Variants in HIVEP1 observed in about 807,000 individuals in gnomAD.
HIVEP1 encodes zinc finger protein 40.
HIVEP1 carries 36 observed loss-of-function variants against 180.0 expected under a neutral mutation model. The observed-to-expected ratio is 0.20, with a 90% CI of 0.15 to 0.26. The LOEUF (loss-of-function observed/expected upper bound fraction) is 0.26. Among genes scored for constraint, HIVEP1 ranks in the 10% least tolerant of loss-of-function variants. The pLI, the probability that HIVEP1 is intolerant of heterozygous loss-of-function variation, is 1.00. For synonymous variants in HIVEP1, 1,239 were observed against 1,239.0 expected (o/e 1.00, Z 0.00); for missense variants, 3,143 against 3,268.7 (o/e 0.96, Z 0.94).
chr6:12,055,311 A>G (rs930314586), intron 2 of HIVEP1, among the ~76,000 whole-genome samples: 1 of 152,060 alleles, frequency 6.6e-6, no homozygotes, highest in Non-Finnish European at 1.5e-5. Flanking sequence ...CGTCTCTACT[A>G]AAAATGCAAA....
At chr6:12,135,982 C>A in intron 7 of HIVEP1, 90 bp downstream of exon 7, 1 of 711,890 alleles carries the variant, frequency 1.4e-6, no homozygotes. Flanking sequence ...CTGATTCTGC[C>A]TAATTCTGTT....
At chr6:12,082,666 C>T (rs1268170872) in intron 2 of HIVEP1, among the ~76,000 whole-genome samples, 1 of 152,138 alleles carries the variant, frequency 6.6e-6, no homozygotes, top group Non-Finnish European at 1.5e-5. Flanking sequence ...AATGAACTTG[C>T]CTCTTTGCCT....
intron 7 of HIVEP1, among the ~76,000 whole-genome samples, chr6:12,159,165 G>T (rs1447996560): frequency 6.6e-6 from 1 of 152,036 alleles, no homozygotes; most frequent in African/African-American, 2.4e-5. Context: ...TTTGGAAAAA[G>T]TTAATAAGTT....
intron 2 of HIVEP1, among the ~76,000 whole-genome samples, chr6:12,084,392 A>G (rs562492650): frequency 1.3e-5 from 2 of 152,134 alleles, no homozygotes; most frequent in African/African-American, 4.8e-5. Context: ...GGTATTTGAG[A>G]TGTGAAACTC....
intron 3 of HIVEP1, among the ~76,000 whole-genome samples, chr6:12,109,545 T>C (rs1288284981): frequency 6.6e-6 from 1 of 152,256 alleles, no homozygotes; most frequent in African/African-American, 2.4e-5. Context: ...AACCACTTTC[T>C]TTGCTCGTCC....
chr6:12,120,209 G>A lies in HIVEP1; in HGVS notation c.414G>A (p.Gln138=). The A allele has an allele frequency of 1.9e-6, 3 of 1,614,180 alleles. No homozygotes were observed. The highest frequency in any genetic ancestry group is 2.5e-6 in the Non-Finnish European group (3 of 1,180,018). ...SVSPKKPLFL[Q]QPSELRRWRS... is the part of the protein sequence containing the mutation. ...CCCCAAAGAAGCCCTTGTTTCTGCA[G>A]CAACCATCTGAACTGCGTAGATGGA... Residue 138 remains glutamine, a synonymous_variant, in exon 4 of 9, where the codon CAG becomes CAA. Coordinates refer to ENST00000379388, the MANE Select transcript of HIVEP1 (RefSeq NM_002114.4).
chr6:12,171,238 A>C, the HIVEP1 span, among the ~76,000 whole-genome samples: 1 of 152,124 alleles, frequency 6.6e-6, no homozygotes. Context: ...TGTTTTGTAG[A>C]GATGGGATTT....
At chr6:12,163,259 G>C in intron 8 of HIVEP1, 24 bp from the exon 9 acceptor site, 2 of 1,565,862 alleles carry the variant, frequency 1.3e-6, no homozygotes, top group Non-Finnish European at 1.7e-6. Flanking sequence ...TGTCATAAAA[G>C]GATTGCTCTC....
downstream of HIVEP1, among the ~76,000 whole-genome samples, chr6:12,168,353 G>A (rs1224284758): frequency 0.024 from 1,658 of 67,764 alleles, 23 homozygotes; most frequent in Middle Eastern, 0.079. Flanking sequence ...ACATGTATAT[G>A]TATATATTAT....
chr6:12,186,097 G>T, the HIVEP1 span, among the ~76,000 whole-genome samples: 1 of 151,906 alleles, frequency 6.6e-6, no homozygotes, highest in African/African-American at 2.4e-5. Context: ...TAATGAAATT[G>T]TAAACTCAGT....
intron 7 of HIVEP1, among the ~76,000 whole-genome samples, chr6:12,152,658 C>T (rs1247912419): frequency 2.6e-5 from 4 of 152,156 alleles, no homozygotes; most frequent in South Asian, 4.1e-4. Context: ...ACAGTGGTCT[C>T]CTCTAGCAGA....
At chr6:12,191,848 G>A in the HIVEP1 span, among the ~76,000 whole-genome samples, 1 of 152,002 alleles carries the variant, frequency 6.6e-6, no homozygotes, top group Admixed American at 6.6e-5. Flanking sequence ...GATCATTTTG[G>A]CCTGTGCTTT....
At chr6:12,204,040 G>A in the HIVEP1 span, among the ~76,000 whole-genome samples, 50 of 151,828 alleles carry the variant, frequency 3.3e-4, no homozygotes, top group Non-Finnish European at 1.0e-4. Flanking sequence ...TTGCACCACT[G>A]CACTCCAGCC....
chr6:12,133,190 CT>C (rs1758520834), intron 6 of HIVEP1, among the ~76,000 whole-genome samples: 1 of 152,164 alleles, frequency 6.6e-6, no homozygotes, highest in South Asian at 2.1e-4. Flanking sequence ...TATTTGCCCT[CT>C]GAGTTTATTT....
intron 7 of HIVEP1, among the ~76,000 whole-genome samples, chr6:12,150,426 G>A (rs1235747376): frequency 6.6e-6 from 1 of 152,184 alleles, no homozygotes; most frequent in Non-Finnish European, 1.5e-5. Flanking sequence ...CATTATTCTT[G>A]TTGGAGTTTA....
chr6:12,133,632 A>G (rs540159114), intron 6 of HIVEP1, among the ~76,000 whole-genome samples: 1 of 152,360 alleles, frequency 6.6e-6, no homozygotes, highest in Admixed American at 6.5e-5. Flanking sequence ...ACAATTATAC[A>G]TTAGTTTCTT....
intron 2 of HIVEP1, among the ~76,000 whole-genome samples, chr6:12,054,761 C>G (rs1299316258): frequency 6.6e-6 from 1 of 152,134 alleles, no homozygotes; most frequent in Non-Finnish European, 1.5e-5. Context: ...GATTTCATGA[C>G]ATAGCATATT....
chr6:12,168,272 A>G (rs1760800533), downstream of HIVEP1, among the ~76,000 whole-genome samples: 1 of 130,678 alleles, frequency 7.7e-6, no homozygotes, highest in African/African-American at 3.1e-5. Context: ...ATATATACAT[A>G]TATACATATA....
Position 12,163,242 on chromosome 6 carries a change from A to G in HIVEP1, c.6979-41A>G, listed in dbSNP as rs763503146. ...CTAGCTTTATATCTCAGTGATTACA[A>G]AAGACCTGTCATAAAAGGATTGCTC... On this transcript the variant is annotated intron_variant, in intron 8 of 8. Coordinates refer to ENST00000379388, the MANE Select transcript of HIVEP1 (RefSeq NM_002114.4). 8.9e-6 allele frequency: 13 copies of G among 1,461,090 alleles called. 1 individual carries two copies. In the South Asian group the frequency reaches 1.2e-4, roughly 14 times the overall value. The allele number at this position is 1,461,090 out of a possible 1,614,324, so 90.5% of individuals were successfully genotyped here.
Sources: gnomAD v4.1 joint callset for allele counts (sites outside exome capture counted in the v4.1 genomes callset) on GRCh38, gnomAD v4.1.1 for gene constraint, MANE v1.5 for transcripts, NCBI Gene and HGNC (gene_info 2026-07-23, HGNC 2026-07-21) for gene names.